Variants in NCK2 observed in about 807,000 individuals in gnomAD.
NCK2 encodes the protein NCK adaptor protein 2.
In NCK2, 16 loss-of-function variants were observed where a neutral mutation model predicts 33.9. The ratio of observed to expected loss-of-function variants is 0.47; its 90% CI spans 0.32 to 0.72. The LOEUF (loss-of-function observed/expected upper bound fraction) is 0.72, where lower values mean the gene tolerates loss of function less well. Ranked by LOEUF, NCK2 falls within the 30% of genes least tolerant of loss-of-function variation. The pLI, the probability that NCK2 is intolerant of heterozygous loss-of-function variation, is 0.03. For synonymous variants in NCK2, 273 were observed against 239.9 expected (o/e 1.14, Z -1.27); for missense variants, 418 against 537.3 (o/e 0.78, Z 2.19).
intron 1 of NCK2, among the ~76,000 whole-genome samples, chr2:105,762,987 G>A (rs1298284646): frequency 1.3e-5 from 2 of 152,148 alleles, no homozygotes; most frequent in Non-Finnish European, 2.9e-5. Flanking sequence ...CTGAGCTCAG[G>A]AGTTCGAAAC....
chr2:105,769,420 C>G (rs1236311262), intron 1 of NCK2, among the ~76,000 whole-genome samples: 1 of 152,166 alleles, frequency 6.6e-6, no homozygotes, highest in Non-Finnish European at 1.5e-5. Context: ...CTCCCCCGTT[C>G]TTGCTTCTCA....
intron 3 of NCK2, among the ~76,000 whole-genome samples, chr2:105,880,565 A>G (rs930009527): frequency 2.0e-5 from 3 of 152,156 alleles, no homozygotes; most frequent in Non-Finnish European, 4.4e-5. Context: ...AGGGCAGGTT[A>G]TACAGGCTGC....
intron 2 of NCK2, among the ~76,000 whole-genome samples, chr2:105,834,573 T>C (rs1406530540): frequency 2.6e-5 from 4 of 152,276 alleles, no homozygotes; most frequent in South Asian, 2.1e-4. Context: ...AAGCAGCATA[T>C]AGTTAGGTGG....
chr2:105,786,043 CTGCCTTATT>C (rs1410696114), intron 1 of NCK2, among the ~76,000 whole-genome samples: 1 of 152,166 alleles, frequency 6.6e-6, no homozygotes, highest in Non-Finnish European at 1.5e-5. Flanking sequence ...CATTTACCTT[CTGCCTTATT>C]TGCCTTATTC....
intron 1 of NCK2, among the ~76,000 whole-genome samples, chr2:105,767,862 C>A (rs1689997391): frequency 6.6e-6 from 1 of 152,204 alleles, no homozygotes; most frequent in African/African-American, 2.4e-5. Context: ...GTTCCCAGCA[C>A]TTAATATGCA....
intron 2 of NCK2, among the ~76,000 whole-genome samples, chr2:105,844,515 T>C (rs1676774094): frequency 6.6e-6 from 1 of 150,496 alleles, no homozygotes; most frequent in South Asian, 2.1e-4. Flanking sequence ...TGAAGTCGAG[T>C]TGGAGACCAG....
intron 2 of NCK2, among the ~76,000 whole-genome samples, chr2:105,843,303 G>C (rs184821868): frequency 2.1e-4 from 32 of 151,330 alleles, no homozygotes; most frequent in Admixed American, 1.1e-3. Flanking sequence ...TTTTTCACTT[G>C]TAGTGCTCAA....
intron 2 of NCK2, among the ~76,000 whole-genome samples, chr2:105,852,153 G>A (rs1295225499): frequency 6.6e-6 from 1 of 152,174 alleles, no homozygotes; most frequent in Non-Finnish European, 1.5e-5. Context: ...AATCCTGACT[G>A]TCATTAAATA....
In NCK2 at chr2:105,826,834, A is replaced by G. The variant is rs994848961; in HGVS notation, c.-17+10221A>G. Among the ~76,000 whole-genome samples, 4 of 152,090 alleles carry G rather than the reference A, an allele frequency of 2.6e-5. No individual in the cohort carries two copies. The South Asian group carries it at 6.2e-4, about 24-fold the overall frequency. On this transcript the variant is annotated intron_variant, in intron 2 of 4. Transcript: ENST00000233154. ...TATATATATGTATGTGTGTGTATAT[A>G]TATGTTGAAAATAAAAGGATGGAAA...
intron 2 of NCK2, among the ~76,000 whole-genome samples, chr2:105,835,353 T>A (rs2104532956): frequency 1.3e-5 from 1 of 76,686 alleles, no homozygotes; most frequent in South Asian, 5.2e-4. Context: ...TATAGTATTC[T>A]TGGCTGGTTT....
At chr2:105,806,964 G>A (rs1467781731) in intron 1 of NCK2, among the ~76,000 whole-genome samples, 1 of 152,092 alleles carries the variant, frequency 6.6e-6, no homozygotes, top group Non-Finnish European at 1.5e-5. Context: ...GTCTTTCTTA[G>A]CCCATCCCTT....
At chr2:105,770,928 T>A (rs975637623) in intron 1 of NCK2, among the ~76,000 whole-genome samples, 81 of 152,064 alleles carry the variant, frequency 5.3e-4, no homozygotes, top group African/African-American at 1.9e-3. Flanking sequence ...GTTTTTGCTT[T>A]TGTTTTTGTT....
chr2:105,832,923 G>T (rs1676255006), intron 2 of NCK2, among the ~76,000 whole-genome samples: 1 of 149,588 alleles, frequency 6.7e-6, no homozygotes, highest in East Asian at 1.9e-4. Context: ...AAAAGAATTG[G>T]TGTTAGTTTG....
chr2:105,803,362 C>T (rs1484518425), intron 1 of NCK2, among the ~76,000 whole-genome samples: 1 of 152,154 alleles, frequency 6.6e-6, no homozygotes, highest in African/African-American at 2.4e-5. Context: ...TCCTATTTGA[C>T]TTTGAACTCT....
chr2:105,881,977 G>T lies in NCK2; in HGVS notation c.876G>T (p.Arg292=). The T allele has an allele frequency of 6.6e-7, 1 of 1,521,228 alleles. No homozygotes were observed. The highest frequency in any genetic ancestry group is 8.8e-7 in the Non-Finnish European group (1 of 1,135,466). 94.2% of individuals were successfully genotyped at this position (1,521,228 alleles called of 1,614,324 possible). A position where few individuals can be genotyped will look rare whatever the true frequency, so the allele number is the denominator to read the frequency against. Residue 292 remains arginine (R), a synonymous_variant, in exon 4 of 5, where the codon CGG becomes CGT. Coordinates refer to ENST00000233154, the MANE Select transcript of NCK2 (RefSeq NM_003581.5). ...GREWYYGNVT[R]HQAECALNER... ...AGTGGTACTACGGGAACGTGACGCG[G>T]CACCAGGCCGAGTGCGCCCTCAACG...
At chr2:105,803,525 A>G (rs1674921436) in intron 1 of NCK2, among the ~76,000 whole-genome samples, 1 of 152,178 alleles carries the variant, frequency 6.6e-6, no homozygotes, top group Non-Finnish European at 1.5e-5. Flanking sequence ...CTCCAAGGAA[A>G]CCTAGTTTCT....
At chr2:105,808,313 C>T (rs1321416876) in intron 1 of NCK2, among the ~76,000 whole-genome samples, 4 of 152,218 alleles carry the variant, frequency 2.6e-5, no homozygotes, top group Non-Finnish European at 4.4e-5. Context: ...TAGAATGAGG[C>T]TTTTCCTTTC....
At chr2:105,889,251 A>T (rs1678861144) in intron 4 of NCK2, among the ~76,000 whole-genome samples, 1 of 152,216 alleles carries the variant, frequency 6.6e-6, no homozygotes, top group Non-Finnish European at 1.5e-5. Flanking sequence ...GAAATTCCCT[A>T]TGAGAGATGT....
intron 3 of NCK2, 73 bp downstream of exon 3, chr2:105,855,362 G>A (rs1677217934): frequency 1.8e-5 from 19 of 1,078,886 alleles, no homozygotes; most frequent in Non-Finnish European, 2.2e-5. Flanking sequence ...TAGTTAGTTT[G>A]CTGTTTCAAA....
Sources: gnomAD v4.1 joint callset for allele counts (sites outside exome capture counted in the v4.1 genomes callset) on GRCh38, gnomAD v4.1.1 for gene constraint, MANE v1.5 for transcripts, NCBI Gene and HGNC (gene_info 2026-07-23, HGNC 2026-07-21) for gene names.